SOX5: variants seen among roughly 807,000 people sequenced by gnomAD.
The protein encoded by SOX5 is SRY-box transcription factor 5, also known as transcription factor SOX-5.
In SOX5, 9 loss-of-function variants were observed where a neutral mutation model predicts 92.0. The observed-to-expected ratio is 0.10, with a 90% confidence interval of 0.06 to 0.17. The LOEUF (loss-of-function observed/expected upper bound fraction) is 0.17, where lower values mean the gene tolerates loss of function less well. Ranked by LOEUF, SOX5 falls within the 10% of genes least tolerant of loss-of-function variation. SOX5 has a pLI of 1.00. For missense variants in SOX5, 642 were observed against 944.5 expected (o/e 0.68, Z 4.20); for synonymous variants, 344 against 336.3 (o/e 1.02, Z -0.25).
At chr12:24,323,137 T>C (rs1397669172) in intron 2 of SOX5, among the ~76,000 whole-genome samples, 1 of 152,000 alleles carries the variant, frequency 6.6e-6, no homozygotes, top group Non-Finnish European at 1.5e-5. Context: ...TTAGAACCTA[T>C]GGAGGTCATT....
chr12:23,688,937 C>G (rs1364207894), intron 6 of SOX5, among the ~76,000 whole-genome samples: 1 of 152,084 alleles, frequency 6.6e-6, no homozygotes, highest in Non-Finnish European at 1.5e-5. Context: ...AAAAAAAGAT[C>G]AGGAATTTTT....
chr12:23,664,006 T>C (rs1353428999), intron 7 of SOX5, among the ~76,000 whole-genome samples: 4 of 152,026 alleles, frequency 2.6e-5, no homozygotes, highest in African/African-American at 9.7e-5. Flanking sequence ...AGTATGAAAA[T>C]CTCAAAGAGC....
At chr12:24,372,983 C>T (rs1052071526) in intron 1 of SOX5, among the ~76,000 whole-genome samples, 6 of 145,804 alleles carry the variant, frequency 4.1e-5, no homozygotes, top group African/African-American at 7.6e-5. Context: ...CTGGGTGTGG[C>T]GGCACAGGCC....
chr12:23,596,885 T>C (rs1005373488), intron 9 of SOX5, among the ~76,000 whole-genome samples: 1 of 152,176 alleles, frequency 6.6e-6, no homozygotes, highest in Non-Finnish European at 1.5e-5. Context: ...TAGAATATAA[T>C]TCAAAGTCCT....
chr12:24,277,806 G>A (rs909357523), intron 2 of SOX5, among the ~76,000 whole-genome samples: 1 of 151,892 alleles, frequency 6.6e-6, no homozygotes, highest in Non-Finnish European at 1.5e-5. Context: ...GTCCTCTTAG[G>A]TCTCTTCTTT....
chr12:24,325,413 C>T (rs368686224), intron 2 of SOX5, among the ~76,000 whole-genome samples: 2 of 152,008 alleles, frequency 1.3e-5, no homozygotes, highest in East Asian at 3.9e-4. Context: ...TCAGAGACAT[C>T]TCAGATAGTT....
chr12:23,979,901 C>G (rs1949376545), intron 4 of SOX5, among the ~76,000 whole-genome samples: 1 of 141,240 alleles, frequency 7.1e-6, no homozygotes, highest in African/African-American at 2.7e-5. Context: ...GGCTGGCTGG[C>G]TGGCTGGCTG....
chr12:24,193,030 A>C (rs376335523), intron 4 of SOX5, among the ~76,000 whole-genome samples: 3 of 152,230 alleles, frequency 2.0e-5, no homozygotes, highest in African/African-American at 7.2e-5. Flanking sequence ...TATGCATCTA[A>C]TAATATGCAT....
At chr12:23,648,233 T>C (rs1352847815) in intron 7 of SOX5, among the ~76,000 whole-genome samples, 1 of 152,126 alleles carries the variant, frequency 6.6e-6, no homozygotes, top group Non-Finnish European at 1.5e-5. Context: ...GTTGGAAAAA[T>C]GGTGCTGACA....
chr12:24,523,164 T>C (rs936531075), intron 1 of SOX5, among the ~76,000 whole-genome samples: 17 of 151,988 alleles, frequency 1.1e-4, no homozygotes, highest in African/African-American at 4.1e-4. Flanking sequence ...AAAGACAACA[T>C]ACTTAGAAAT....
At chr12:24,079,064 C>T (rs539524993) in intron 4 of SOX5, among the ~76,000 whole-genome samples, 125 of 151,890 alleles carry the variant, frequency 8.2e-4, no homozygotes, top group Middle Eastern at 6.8e-3. Flanking sequence ...TTTCTGTCTC[C>T]CTTCCCCCAT....
At chr12:24,087,062 C>T (rs773120899) in intron 4 of SOX5, among the ~76,000 whole-genome samples, 4 of 151,968 alleles carry the variant, frequency 2.6e-5, no homozygotes, top group Non-Finnish European at 5.9e-5. Context: ...GTTTAATTAA[C>T]TCAGTACTAA....
intron 1 of SOX5, among the ~76,000 whole-genome samples, chr12:24,402,772 T>C (rs765345702): frequency 5.9e-5 from 9 of 152,164 alleles, no homozygotes; most frequent in Non-Finnish European, 1.2e-4. Flanking sequence ...TAAAAACATA[T>C]GGCTGCAGAA....
At chr12:24,180,499 G>A (rs1955367390) in intron 4 of SOX5, among the ~76,000 whole-genome samples, 1 of 152,082 alleles carries the variant, frequency 6.6e-6, no homozygotes, top group Non-Finnish European at 1.5e-5. Flanking sequence ...GACTTGTTGT[G>A]GCTGTACAGA....
At chr12:23,703,099 A>C (rs934894513) in intron 6 of SOX5, among the ~76,000 whole-genome samples, 1 of 152,082 alleles carries the variant, frequency 6.6e-6, no homozygotes, top group African/African-American at 2.4e-5. Flanking sequence ...GCCAGGCTGC[A>C]CAGCTTGAAC....
At chr12:23,570,674 G>A (rs565911562) in intron 10 of SOX5, among the ~76,000 whole-genome samples, 19 of 151,710 alleles carry the variant, frequency 1.3e-4, no homozygotes, top group Non-Finnish European at 2.6e-4. Context: ...ACTTTGGGAG[G>A]CCCAGGCAGG....
At chr12:24,368,919 G>A (rs1173772380) in intron 1 of SOX5, among the ~76,000 whole-genome samples, 5 of 152,162 alleles carry the variant, frequency 3.3e-5, no homozygotes, top group Non-Finnish European at 5.9e-5. Context: ...ACCCAGTGAA[G>A]TGTTTGAGAT....
chr12:24,111,361 A>G lies in SOX5; in HGVS notation c.-2+101982T>C, dbSNP rs568847731. Among the ~76,000 whole-genome samples the G allele has an allele frequency of 6.6e-5, 10 of 152,340 alleles. 1 individual carries two copies. The South Asian group carries it at 2.1e-3, about 32-fold the overall frequency. On this transcript the variant is annotated intron_variant, in intron 4 of 4. Transcript: ENST00000446891. ...AAGAATTTATACAATGCATCCTGTG[A>G]GTATCAGACTAGTCAACACTGTCAG...
In SOX5 at chr12:24,474,905, A is replaced by C. The variant is rs189359313; in HGVS notation, c.-251+87424T>G. Among the ~76,000 whole-genome samples, 875 of 151,892 alleles carry C rather than the reference A, an allele frequency of 5.8e-3. 4 individuals are homozygous for C. Among genetic ancestry groups the C allele is most frequent in the Non-Finnish European group, 8.1e-3 (548 of 67,962 alleles). ...CTCACTCTCACCCAGGCTGGAGTGC[A>C]GTGGCTCCATCTCAGCTCACTGCAA... On this transcript the variant is annotated intron_variant, in intron 1 of 4. Transcript: ENST00000446891.
Sources: gnomAD v4.1 joint callset for allele counts (sites outside exome capture counted in the v4.1 genomes callset) on GRCh38, gnomAD v4.1.1 for gene constraint, MANE v1.5 for transcripts, NCBI Gene and HGNC (gene_info 2026-07-23, HGNC 2026-07-21) for gene names.